Variants in CSMD2 observed in about 807,000 individuals in gnomAD.
The protein encoded by CSMD2 is CUB and sushi domain-containing protein 2.
In CSMD2, 130 loss-of-function variants were observed where a neutral mutation model predicts 398.5. The observed-to-expected ratio is 0.33, with a 90% confidence interval of 0.28 to 0.38. CSMD2 has a LOEUF of 0.38. Ranked by LOEUF, CSMD2 falls within the 10% of genes least tolerant of loss-of-function variation. The pLI is 1.00. For synonymous variants in CSMD2, 1,828 were observed against 1,908.5 expected (o/e 0.96, Z 1.10); for missense variants, 3,829 against 4,764.9 (o/e 0.80, Z 5.78).
chr1:33,686,821 T>C (rs1645075634), intron 25 of CSMD2, among the ~76,000 whole-genome samples: 1 of 152,048 alleles, frequency 6.6e-6, no homozygotes, highest in African/African-American at 2.4e-5. Context: ...GCACACATGC[T>C]CCCACCCACA....
intron 48 of CSMD2, among the ~76,000 whole-genome samples, chr1:33,579,280 T>C (rs1214319077): frequency 6.6e-6 from 1 of 152,190 alleles, no homozygotes; most frequent in Non-Finnish European, 1.5e-5. Flanking sequence ...CCTTAAAGTT[T>C]CTTTTCCATC....
chr1:33,692,703 T>C (rs1162876676), intron 25 of CSMD2, among the ~76,000 whole-genome samples: 3 of 152,192 alleles, frequency 2.0e-5, no homozygotes, highest in Admixed American at 6.5e-5. Flanking sequence ...CTGCTGTAAC[T>C]GTGCTATCTG....
intron 5 of CSMD2, among the ~76,000 whole-genome samples, chr1:33,887,341 G>A (rs1410733277): frequency 6.6e-6 from 1 of 152,080 alleles, no homozygotes; most frequent in African/African-American, 2.4e-5. Flanking sequence ...AAAGAGGAAT[G>A]GTTAAGTAAG....
intron 29 of CSMD2, among the ~76,000 whole-genome samples, chr1:33,645,346 C>T (rs750509218): frequency 5.8e-3 from 34 of 5,898 alleles, no homozygotes; most frequent in Admixed American, 0.01. Context: ...GAGCATTATA[C>T]ACACACACAC....
At chr1:34,025,110 G>A (rs995790838) in intron 3 of CSMD2, among the ~76,000 whole-genome samples, 1 of 152,132 alleles carries the variant, frequency 6.6e-6, no homozygotes, top group African/African-American at 2.4e-5. Context: ...CTCCTAACCT[G>A]CGTCTCCTGG....
intron 10 of CSMD2, among the ~76,000 whole-genome samples, chr1:33,794,384 T>C (rs905091629): frequency 6.6e-6 from 1 of 152,178 alleles, no homozygotes; most frequent in Non-Finnish European, 1.5e-5. Context: ...AAAGGAGGCT[T>C]CTTGGAGGAA....
intron 1 of CSMD2, among the ~76,000 whole-genome samples, chr1:34,160,901 C>T (rs368650616): frequency 3.3e-5 from 5 of 152,070 alleles, no homozygotes; most frequent in South Asian, 2.1e-4. Flanking sequence ...GTAATTGGCA[C>T]GGGAAAAATC....
At chr1:33,546,256 A>G in intron 56 of CSMD2, 37 bp from the exon 57 acceptor site, 1 of 1,572,960 alleles carries the variant, frequency 6.4e-7, no homozygotes, top group Non-Finnish European at 8.7e-7. Context: ...ATTATTTTTC[A>G]GGGAAGAAAA....
chr1:34,137,883 A>G (rs1000258961), intron 1 of CSMD2, among the ~76,000 whole-genome samples: 2 of 152,188 alleles, frequency 1.3e-5, no homozygotes, highest in African/African-American at 4.8e-5. Flanking sequence ...AATTTGTCTA[A>G]AATCACACAG....
chr1:33,530,548 A>G (rs1256605107), intron 64 of CSMD2, among the ~76,000 whole-genome samples: 1 of 152,208 alleles, frequency 6.6e-6, no homozygotes, highest in East Asian at 1.9e-4. Context: ...TCCTCAAAAA[A>G]TTAAAAATAG....
chr1:34,088,337 G>GTCT (rs1658155870), intron 2 of CSMD2, among the ~76,000 whole-genome samples: 1 of 152,194 alleles, frequency 6.6e-6, no homozygotes, highest in Non-Finnish European at 1.5e-5. Context: ...TGACCCTGGG[G>GTCT]TCTTCACCTT....
rs939230236 is a variant in CSMD2, at chr1:33,693,114, C to T, written c.3926-58G>A. 96 of 1,523,308 alleles carry T rather than the reference C, an allele frequency of 6.3e-5. No homozygotes were observed. In the South Asian group the frequency reaches 8.7e-4, roughly 14 times the overall value. 94.4% of individuals were successfully genotyped at this position (1,523,308 alleles called of 1,614,324 possible). A position where few individuals can be genotyped will look rare whatever the true frequency, so the allele number is the denominator to read the frequency against. ...GGGTGGCCTGAGCTGCCAGCAGTCACTCAGTGGCTCCTTTTGCCTGTTTGC... is the reference window on the plus strand; with the variant it reads ...GGGTGGCCTGAGCTGCCAGCAGTCATTCAGTGGCTCCTTTTGCCTGTTTGC... On this transcript the variant is annotated intron_variant, in intron 24 of 70. Coordinates refer to ENST00000373381, the MANE Select transcript of CSMD2 (RefSeq NM_001281956.2).
chr1:34,135,218 T>A (rs886258683), intron 1 of CSMD2, among the ~76,000 whole-genome samples: 1 of 150,738 alleles, frequency 6.6e-6, no homozygotes, highest in African/African-American at 2.4e-5. Context: ...ATCCATTCTA[T>A]AGACATCTGC....
intron 3 of CSMD2, among the ~76,000 whole-genome samples, chr1:33,944,281 A>G (rs1402800342): frequency 1.3e-5 from 2 of 151,164 alleles, no homozygotes; most frequent in African/African-American, 4.9e-5. Flanking sequence ...CTCAGTTTTG[A>G]TGGGAGTCAA....
At chr1:34,030,683 G>T (rs1316722378) in intron 3 of CSMD2, among the ~76,000 whole-genome samples, 1 of 152,162 alleles carries the variant, frequency 6.6e-6, no homozygotes, top group East Asian at 1.9e-4. Context: ...AAGTGCTTGT[G>T]CCCCTAACAG....
rs114897207 is a variant in CSMD2, at chr1:33,593,623, T to C, written c.6857-6455A>G. 8.7e-3 allele frequency among the ~76,000 whole-genome samples: 1,320 copies of C among 152,310 alleles called. 19 individuals are homozygous for C. Among genetic ancestry groups the C allele is most frequent in the African/African-American group, 0.03 (1,253 of 41,562 alleles). On this transcript the variant is annotated intron_variant, in intron 44 of 70. Coordinates refer to ENST00000373381, the MANE Select transcript of CSMD2 (RefSeq NM_001281956.2). The stretch of plus-strand genomic sequence containing the variant: ...CATAATTCAGGTTCTTCCCACAACA[T>C]GGGAATTGTGGGAGTTACAATTCAA...
chr1:34,118,050 C>CTAAAAA (rs1415814666), intron 1 of CSMD2, among the ~76,000 whole-genome samples: 4 of 152,022 alleles, frequency 2.6e-5, no homozygotes, highest in African/African-American at 9.7e-5. Flanking sequence ...CCCATCTCTA[C>CTAAAAA]TAAAAATAAA....
At chr1:33,549,593 G>C (rs146045728) in intron 56 of CSMD2, among the ~76,000 whole-genome samples, 154 of 152,332 alleles carry the variant, frequency 1.0e-3, no homozygotes, top group African/African-American at 3.5e-3. Context: ...CTCATTAGCA[G>C]TAAAAGGAAC....
rs1653950471 is a variant in CSMD2 at position 33,518,386 on chromosome 1, CGTAT to C, written c.*53+1075_*53+1078del. 1.3e-5 allele frequency among the ~76,000 whole-genome samples: 1 copy of C among 75,406 alleles called. No homozygotes were observed. Among genetic ancestry groups the C allele is most frequent in the South Asian group, 4.4e-4 (1 of 2,258 alleles). 49.5% of individuals were successfully genotyped at this position (75,406 alleles called of 152,430 possible). A position where few individuals can be genotyped will look rare whatever the true frequency, so the allele number is the denominator to read the frequency against. On this transcript the variant is annotated intron_variant, in intron 70 of 70. Coordinates refer to ENST00000373381, the MANE Select transcript of CSMD2 (RefSeq NM_001281956.2). The surrounding 1 kb of genome is among the most constrained non-coding windows in gnomAD (Gnocchi z 4.3). ...AGATGCATGCCTGTGTGCATGTATG[CGTAT>C]GTGTGTGTGTGTGTGTGCATGACCG...
Sources: allele counts gnomAD v4.1 joint callset (sites outside exome capture counted in the v4.1 genomes callset), GRCh38; gene constraint gnomAD v4.1.1; non-coding constraint Gnocchi (gnomAD v3.1); transcripts MANE v1.5; gene names NCBI Gene and HGNC (gene_info 2026-07-23, HGNC 2026-07-21).